The following SORCS2 variants were observed in gnomAD, a reference collection of about 807,000 sequenced individuals.
The protein encoded by SORCS2 is VPS10 domain-containing receptor SorCS2.
SORCS2 carries 100 observed loss-of-function variants against 141.6 expected under a neutral mutation model. The observed-to-expected ratio is 0.71, with a 90% CI of 0.60 to 0.83. SORCS2 has a LOEUF of 0.83. Among genes scored for constraint, SORCS2 ranks in the 40% least tolerant of loss-of-function variants. The probability of loss-of-function intolerance (pLI) is 0.00; values close to 1 mark genes in which losing one functional copy is unlikely to be tolerated. For missense variants in SORCS2, 1,646 were observed against 1,560.2 expected, an observed-to-expected ratio of 1.05 and a Z score of -0.93; for synonymous variants, 789 against 676.9, an observed-to-expected ratio of 1.17 and a Z score of -2.57.
intron 3 of SORCS2, among the ~76,000 whole-genome samples, chr4:7,620,603 A>G (rs923691900): frequency 1.3e-5 from 2 of 152,360 alleles, no homozygotes; most frequent in East Asian, 1.9e-4. Context: ...CGGCAGCCAC[A>G]ATGCCAGGCT....
chr4:7,728,471 C>A lies in SORCS2; in HGVS notation c.2982+9C>A. ...CCCGGCTGCTCTCCAAGGTGTCCAC[C>A]CAGAGCCTAGAGCCTCCCCAGCCCC... On this transcript the variant is annotated intron_variant, in intron 22 of 26. Transcript: ENST00000507866. 6.2e-7 allele frequency: 1 copy of A among 1,600,226 alleles called. No individual in the cohort carries two copies.
intron 1 of SORCS2, among the ~76,000 whole-genome samples, chr4:7,234,522 C>A (rs760472993): frequency 6.6e-6 from 1 of 152,204 alleles, no homozygotes; most frequent in Non-Finnish European, 1.5e-5. Context: ...ACTGGGCGGC[C>A]GACGTGGCCA....
intron 2 of SORCS2, among the ~76,000 whole-genome samples, chr4:7,470,084 T>C (rs1412684913): frequency 6.6e-6 from 1 of 152,182 alleles, no homozygotes; most frequent in Non-Finnish European, 1.5e-5. Context: ...TTGAGCATTT[T>C]CTAATAAATG....
chr4:7,196,229 A>G (rs1005748990), intron 1 of SORCS2, among the ~76,000 whole-genome samples: 1 of 152,172 alleles, frequency 6.6e-6, no homozygotes, highest in African/African-American at 2.4e-5. Context: ...ACCAAGAGGT[A>G]TTGCGTTTTT....
intron 1 of SORCS2, among the ~76,000 whole-genome samples, chr4:7,248,021 G>A (rs1033038947): frequency 6.6e-6 from 1 of 152,212 alleles, no homozygotes; most frequent in African/African-American, 2.4e-5. Flanking sequence ...TGTCAAGGGA[G>A]CAGGGTGTCT....
intron 11 of SORCS2, among the ~76,000 whole-genome samples, chr4:7,692,853 G>A (rs1393622146): frequency 3.3e-5 from 5 of 152,148 alleles, no homozygotes; most frequent in Admixed American, 6.5e-5. Flanking sequence ...CTGGGGTCTC[G>A]AGCTCGAGGA....
intron 2 of SORCS2, among the ~76,000 whole-genome samples, chr4:7,529,109 C>T (rs11940680): frequency 0.23 from 35,058 of 152,196 alleles, 5,155 homozygotes; most frequent in Middle Eastern, 0.35. Context: ...AATCCACACT[C>T]ATGGGTTCTG....
At chr4:7,550,451 G>T (rs1334420682) in intron 3 of SORCS2, among the ~76,000 whole-genome samples, 2 of 152,252 alleles carry the variant, frequency 1.3e-5, no homozygotes, top group African/African-American at 4.8e-5. Context: ...GTGGTGGGCA[G>T]CCAGGCGGCT....
At chr4:7,243,527 C>G (rs1261638559) in intron 1 of SORCS2, among the ~76,000 whole-genome samples, 9 of 152,184 alleles carry the variant, frequency 5.9e-5, no homozygotes, top group Non-Finnish European at 1.5e-5. Flanking sequence ...GAACCCTCTC[C>G]CGGCAGAGCC....
intron 3 of SORCS2, among the ~76,000 whole-genome samples, chr4:7,609,306 A>G (rs1365139041): frequency 1.3e-5 from 2 of 152,174 alleles, no homozygotes; most frequent in African/African-American, 4.8e-5. Flanking sequence ...ACATACAGTA[A>G]ATTCTAAACC....
chr4:7,546,886 G>A (rs1227898684), intron 3 of SORCS2, among the ~76,000 whole-genome samples: 2 of 152,224 alleles, frequency 1.3e-5, no homozygotes, highest in East Asian at 3.8e-4. Context: ...CCCTTGTGCA[G>A]TAGGGACTCT....
At chr4:7,271,138 C>T (rs1316701501) in intron 1 of SORCS2, among the ~76,000 whole-genome samples, 1 of 152,220 alleles carries the variant, frequency 6.6e-6, no homozygotes, top group Non-Finnish European at 1.5e-5. Context: ...AGCTGGTCCC[C>T]TGCTCCCACC....
At chr4:7,345,491 A>G (rs1347567904) in intron 1 of SORCS2, among the ~76,000 whole-genome samples, 1 of 152,072 alleles carries the variant, frequency 6.6e-6, no homozygotes, top group Non-Finnish European at 1.5e-5. Flanking sequence ...CTTCCTCTCC[A>G]GTGCTCTTCC....
intron 1 of SORCS2, among the ~76,000 whole-genome samples, chr4:7,259,535 C>G (rs536326308): frequency 4.7e-4 from 72 of 152,338 alleles, no homozygotes; most frequent in Admixed American, 1.0e-3. Flanking sequence ...CTGTCCCTGA[C>G]GTCAGGCCCA....
At chr4:7,329,398 G>T (rs534428959) in intron 1 of SORCS2, among the ~76,000 whole-genome samples, 1 of 152,180 alleles carries the variant, frequency 6.6e-6, no homozygotes, top group African/African-American at 2.4e-5. Context: ...GACACCTCCC[G>T]GGCCAGCCAC....
intron 2 of SORCS2, among the ~76,000 whole-genome samples, chr4:7,460,874 C>T (rs4234812): frequency 0.55 from 83,783 of 151,906 alleles, 24,151 homozygotes; most frequent in African/African-American, 0.68. Flanking sequence ...GGCCGTGCAT[C>T]GGCTACACAC....
intron 12 of SORCS2, among the ~76,000 whole-genome samples, chr4:7,701,839 G>A (rs553923346): frequency 5.3e-5 from 8 of 152,292 alleles, no homozygotes; most frequent in Admixed American, 1.3e-4. Context: ...TCTTTCCAGC[G>A]TCCCCATGAT....
intron 3 of SORCS2, among the ~76,000 whole-genome samples, chr4:7,559,790 G>C (rs569214932): frequency 1.3e-5 from 2 of 152,182 alleles, no homozygotes; most frequent in Admixed American, 1.3e-4. Flanking sequence ...ATGAACAAAC[G>C]GCTCTCCACA....
intron 1 of SORCS2, among the ~76,000 whole-genome samples, chr4:7,340,283 T>C (rs73208499): frequency 0.15 from 22,895 of 152,292 alleles, 1,981 homozygotes; most frequent in Non-Finnish European, 0.2. Flanking sequence ...TGATGGAGTG[T>C]GGCCATGCCA....
Sources: gnomAD v4.1 joint callset for allele counts (sites outside exome capture counted in the v4.1 genomes callset) on GRCh38, gnomAD v4.1.1 for gene constraint, MANE v1.5 for transcripts, NCBI Gene and HGNC (gene_info 2026-07-23, HGNC 2026-07-21) for gene names.